Variants in APBB2 observed in about 807,000 individuals in gnomAD.
APBB2 encodes Fe65-like 1.
A neutral mutation model predicts 82.5 loss-of-function variants in APBB2; 38 were observed. The observed-to-expected ratio is 0.46, with a 90% CI of 0.36 to 0.60. The LOEUF (loss-of-function observed/expected upper bound fraction) is 0.60, where lower values mean the gene tolerates loss of function less well. Among genes scored for constraint, APBB2 ranks in the 20% least tolerant of loss-of-function variants. The pLI, the probability that APBB2 is intolerant of heterozygous loss-of-function variation, is 0.00. For synonymous variants in APBB2, 341 were observed against 368.2 expected, an observed-to-expected ratio of 0.93 and a Z score of 0.85; for missense variants, 772 against 972.3, an observed-to-expected ratio of 0.79 and a Z score of 2.74.
chr4:40,892,098 G>T (rs1237107490), intron 11 of APBB2, among the ~76,000 whole-genome samples: 1 of 151,854 alleles, frequency 6.6e-6, no homozygotes, highest in African/African-American at 2.4e-5. Context: ...CTACAGGTGC[G>T]TGCCATCATA....
At chr4:40,967,599 C>T (rs980876818) in intron 6 of APBB2, among the ~76,000 whole-genome samples, 1 of 152,206 alleles carries the variant, frequency 6.6e-6, no homozygotes, top group African/African-American at 2.4e-5. Context: ...GCCTGCCCCA[C>T]CACAGCTAGG....
At chr4:41,164,712 C>T (rs1766045216) in intron 1 of APBB2, among the ~76,000 whole-genome samples, 1 of 152,180 alleles carries the variant, frequency 6.6e-6, no homozygotes, top group East Asian at 1.9e-4. Flanking sequence ...CTAGTTTATC[C>T]TCTGGACTTA....
chr4:40,977,316 TTG>T (rs1491391219), intron 6 of APBB2, among the ~76,000 whole-genome samples: 27 of 114,674 alleles, frequency 2.4e-4, no homozygotes, highest in African/African-American at 7.7e-4. Flanking sequence ...TTCAATATAG[TTG>T]TTTTTTTTTT....
At chr4:41,162,728 C>T (rs1240629928) in intron 1 of APBB2, among the ~76,000 whole-genome samples, 1 of 152,082 alleles carries the variant, frequency 6.6e-6, no homozygotes, top group African/African-American at 2.4e-5. Flanking sequence ...AGGTGGCATA[C>T]ACCTGCGGTC....
At chr4:41,116,172 G>A (rs1295792523) in intron 2 of APBB2, among the ~76,000 whole-genome samples, 1 of 152,186 alleles carries the variant, frequency 6.6e-6, no homozygotes, top group African/African-American at 2.4e-5. Flanking sequence ...CAGGAACATG[G>A]ATGAAGCTGG....
intron 12 of APBB2, among the ~76,000 whole-genome samples, chr4:40,878,823 C>A (rs1011587086): frequency 3.9e-5 from 6 of 152,130 alleles, no homozygotes; most frequent in African/African-American, 1.4e-4. Context: ...TAAGTCAACT[C>A]TCTGGCTCCC....
At chr4:41,081,169 C>T (rs1041126058) in intron 3 of APBB2, among the ~76,000 whole-genome samples, 1 of 152,220 alleles carries the variant, frequency 6.6e-6, no homozygotes, top group East Asian at 1.9e-4. Context: ...TTTTGAAGAG[C>T]TGAGATAAAT....
chr4:41,187,162 A>G (rs985857266), intron 1 of APBB2, among the ~76,000 whole-genome samples: 6 of 152,212 alleles, frequency 3.9e-5, no homozygotes, highest in African/African-American at 1.4e-4. Flanking sequence ...AGATACAATG[A>G]TACAAAATAA....
intron 4 of APBB2, among the ~76,000 whole-genome samples, chr4:41,041,801 G>A (rs1287983725): frequency 6.6e-6 from 1 of 151,830 alleles, no homozygotes; most frequent in Non-Finnish European, 1.5e-5. Flanking sequence ...TGCACAGACA[G>A]AAAAAAAGCC....
intron 2 of APBB2, chr4:41,138,152 T>G (rs1758105570): frequency 8.2e-6 from 1 of 122,626 alleles, no homozygotes; most frequent in African/African-American, 3.1e-5. Flanking sequence ...GGTGACAGAG[T>G]GAGACTGCAT....
At chr4:40,923,270 G>A (rs964852626) in intron 10 of APBB2, among the ~76,000 whole-genome samples, 8 of 152,334 alleles carry the variant, frequency 5.3e-5, no homozygotes, top group African/African-American at 1.4e-4. Context: ...CCACGGTCGT[G>A]CCCAGCCTCT....
intron 16 of APBB2, among the ~76,000 whole-genome samples, chr4:40,822,630 A>G (rs1748393469): frequency 6.6e-6 from 1 of 152,220 alleles, no homozygotes; most frequent in South Asian, 2.1e-4. Context: ...AGAAATGTTC[A>G]GAATTCTTTC....
chr4:41,152,577 C>T (rs1406844437), intron 1 of APBB2, among the ~76,000 whole-genome samples: 1 of 152,138 alleles, frequency 6.6e-6, no homozygotes, highest in African/African-American at 2.4e-5. Context: ...ATCTACCCAC[C>T]TCGGCCTCCC....
intron 6 of APBB2, among the ~76,000 whole-genome samples, chr4:40,974,502 T>TA (rs938069984): frequency 3.3e-5 from 5 of 152,174 alleles, no homozygotes; most frequent in Non-Finnish European, 7.3e-5. Flanking sequence ...GCTACTTTTT[T>TA]AAAAGGAGAA....
At chr4:40,857,025 C>G in intron 12 of APBB2, 2 of 985,622 alleles carry the variant, frequency 2.0e-6, no homozygotes, top group South Asian at 4.7e-5. Flanking sequence ...AACTTCCTCA[C>G]CTTTGCCTCC....
chr4:41,170,118 T>A (rs566561545), intron 1 of APBB2, among the ~76,000 whole-genome samples: 1 of 152,284 alleles, frequency 6.6e-6, no homozygotes, highest in African/African-American at 2.4e-5. Flanking sequence ...CTCTGCTAAG[T>A]GAGGTGTTAA....
At position 40,816,134 on chromosome 4, in the gene APBB2, A is replaced by C; in HGVS notation, c.2238T>G (p.Ile746Met). The C allele has an allele frequency of 6.2e-7, 1 of 1,614,108 alleles. No homozygotes were observed. Among genetic ancestry groups the C allele is most frequent in the Non-Finnish European group, 8.5e-7 (1 of 1,180,022 alleles). The change falls in exon 18 of 18, where the codon ATT becomes ATG. Residue 746 changes from isoleucine to methionine, a missense_variant. Transcript: ENST00000508593. ...TNVKRGVLSLIDTLKQKRPVT... is the reference protein window; with the variant it reads ...TNVKRGVLSLMDTLKQKRPVT... ...CAGGGCGTTTCTGTTTCAAAGTGTC[A>C]ATGAGGGATAAGACCCCTCGTTTTA...
At chr4:40,861,766 G>A (rs942895186) in intron 12 of APBB2, among the ~76,000 whole-genome samples, 1 of 152,034 alleles carries the variant, frequency 6.6e-6, no homozygotes, top group African/African-American at 2.4e-5. Context: ...TGATAAATAT[G>A]GTAGCTGTTA....
At chr4:40,944,382 T>A (rs981443894) in intron 7 of APBB2, among the ~76,000 whole-genome samples, 2 of 152,220 alleles carry the variant, frequency 1.3e-5, no homozygotes, top group African/African-American at 2.4e-5. Flanking sequence ...ACAGATTTTT[T>A]AAAATAGAAA....
Sources: allele counts gnomAD v4.1 joint callset (sites outside exome capture counted in the v4.1 genomes callset), GRCh38; gene constraint gnomAD v4.1.1; transcripts MANE v1.5; gene names NCBI Gene and HGNC (gene_info 2026-07-23, HGNC 2026-07-21).